The following COL14A1 variants were observed in gnomAD, a reference collection of about 807,000 sequenced individuals.
COL14A1 encodes the protein collagen type XIV alpha 1 chain.
COL14A1 carries 136 observed loss-of-function variants against 230.3 expected under a neutral mutation model. That is an observed-to-expected ratio of 0.59 (90% CI 0.51 to 0.68). The LOEUF (loss-of-function observed/expected upper bound fraction) is 0.68. COL14A1 is among the 30% of genes least tolerant of loss of function. The pLI, the probability that COL14A1 is intolerant of heterozygous loss-of-function variation, is 0.00. For synonymous variants in COL14A1, 792 were observed against 784.1 expected, an observed-to-expected ratio of 1.01 and a Z score of -0.17; for missense variants, 1,976 against 2,215.8, an observed-to-expected ratio of 0.89 and a Z score of 2.17.
intron 45 of COL14A1, among the ~76,000 whole-genome samples, chr8:120,350,610 T>G (rs1822714890): frequency 6.6e-6 from 1 of 150,532 alleles, no homozygotes; most frequent in African/African-American, 2.5e-5. Context: ...AAACAGACTT[T>G]AAACCATCAA....
intron 34 of COL14A1, among the ~76,000 whole-genome samples, chr8:120,293,250 A>G (rs1467077158): frequency 1.3e-5 from 2 of 151,988 alleles, no homozygotes; most frequent in South Asian, 2.1e-4. Flanking sequence ...GAGTTATGCT[A>G]TGGAGTTGCC....
chr8:120,226,883 A>G (rs1259741262), intron 16 of COL14A1, 117 bp downstream of exon 16: 1 of 942,760 alleles, frequency 1.1e-6, no homozygotes, highest in African/African-American at 1.6e-5. Context: ...TTAGTATTTT[A>G]CATGGCTTGG....
At chr8:120,266,738 C>G (rs1819510640) in intron 24 of COL14A1, 89 bp from the exon 25 acceptor site, 2 of 1,038,348 alleles carry the variant, frequency 1.9e-6, no homozygotes, top group Non-Finnish European at 2.9e-6. Context: ...AAATCATTGA[C>G]TACCCTGAAT....
Position 120,216,360 on chromosome 8 carries a change from G to A in COL14A1, c.1607G>A (p.Ser536Asn). 1 of 1,609,244 alleles carries A rather than the reference G, an allele frequency of 6.2e-7. No individual in the cohort carries two copies. The highest frequency in any genetic ancestry group is 1.3e-5 in the African/African-American group (1 of 74,498). ...VTGQETTLAL[S>N]PPRNLRISNV... ...TCCATTTACTGCCAAGTGGCTTTAA[G>A]TCCACCAAGAAACCTGAGAATCTCC... is the stretch of plus-strand genomic sequence containing the variant. Residue 536 changes from serine (S) to asparagine (N), a missense_variant, in exon 14 of 48, where the codon AGT becomes AAT. By Grantham distance (46) the Ser-to-Asn change is conservative (BLOSUM62 1). Transcript: ENST00000297848.
chr8:120,219,752 C>G (rs975837547), intron 14 of COL14A1, among the ~76,000 whole-genome samples: 2 of 152,092 alleles, frequency 1.3e-5, no homozygotes, highest in African/African-American at 4.8e-5. Context: ...AAGAATAGCC[C>G]CAGACTAACA....
chr8:120,302,829 G>A (rs1820756848), intron 36 of COL14A1, among the ~76,000 whole-genome samples: 1 of 152,160 alleles, frequency 6.6e-6, no homozygotes, highest in African/African-American at 2.4e-5. Context: ...ATTGCTTTGG[G>A]GAGGATGGCC....
chr8:120,278,815 A>G (rs900162026), intron 28 of COL14A1, among the ~76,000 whole-genome samples: 6 of 152,062 alleles, frequency 3.9e-5, no homozygotes, highest in Non-Finnish European at 8.8e-5. Flanking sequence ...TGCCCTTTAT[A>G]TGGAACTCTA....
At chr8:120,171,453 T>G (rs928505725) in intron 5 of COL14A1, among the ~76,000 whole-genome samples, 3 of 152,218 alleles carry the variant, frequency 2.0e-5, no homozygotes, top group African/African-American at 7.2e-5. Context: ...TCTTTATTCA[T>G]GCAAAAATAT....
At chr8:120,278,075 CAT>C (rs1443307241) in intron 26 of COL14A1, 34 bp from the exon 27 acceptor site, 1 of 1,571,970 alleles carries the variant, frequency 6.4e-7, no homozygotes, top group Non-Finnish European at 8.6e-7. Flanking sequence ...TGGAAGTCTA[CAT>C]ATGTGTGAAA....
intron 12 of COL14A1, 60 bp downstream of exon 12, chr8:120,209,961 T>A: frequency 8.0e-7 from 1 of 1,248,012 alleles, no homozygotes; most frequent in South Asian, 3.0e-5. Context: ...TAAAATAAAA[T>A]TTTTATTGTA....
chr8:120,250,001 A>G (rs535505995), intron 21 of COL14A1, among the ~76,000 whole-genome samples: 25 of 152,362 alleles, frequency 1.6e-4, no homozygotes, highest in South Asian at 4.1e-4. Context: ...TATAGGCTTT[A>G]GCAATGAATG....
Position 120,288,640 on chromosome 8 carries a change from T to G in COL14A1, c.4078-968T>G, listed in dbSNP as rs147127378. ...TTTGTAACTTCTTTTGGCTTTTACT[T>G]AGGGCAAAACCGTTATTTGCCTATT... is the stretch of plus-strand genomic sequence containing the variant. On this transcript the variant is annotated intron_variant, in intron 33 of 47. Coordinates refer to ENST00000297848, the MANE Select transcript of COL14A1 (RefSeq NM_021110.4). Among the ~76,000 whole-genome samples the G allele has an allele frequency of 3.4e-3, 511 of 152,276 alleles. 3 individuals carry two copies. Among genetic ancestry groups the G allele is most frequent in the African/African-American group, 0.012 (482 of 41,566 alleles).
intron 26 of COL14A1, among the ~76,000 whole-genome samples, chr8:120,274,939 A>G (rs750012710): frequency 6.6e-6 from 1 of 151,892 alleles, no homozygotes; most frequent in Non-Finnish European, 1.5e-5. Flanking sequence ...TACAGATTCA[A>G]TGCAATTCCT....
In COL14A1 at chr8:120,281,231, C is replaced by T. The variant is rs796915377; in HGVS notation, c.3824+172C>T. 2.0e-4 allele frequency among the ~76,000 whole-genome samples: 31 copies of T among 151,764 alleles called. 1 individual carries two copies. The highest frequency in any genetic ancestry group is 7.5e-4 in the African/African-American group (31 of 41,470). On this transcript the variant is annotated intron_variant, in intron 31 of 47. Coordinates refer to ENST00000297848, the MANE Select transcript of COL14A1 (RefSeq NM_021110.4). ...AAAAACACCAGACTCACACATAATG[C>T]GGGTTGAACTTTAACATCTGCTGAT...
chr8:120,332,958 A>C (rs1046092337), intron 42 of COL14A1, among the ~76,000 whole-genome samples: 5 of 152,240 alleles, frequency 3.3e-5, no homozygotes, highest in African/African-American at 1.2e-4. Flanking sequence ...ATAATCTGTC[A>C]TGCTTTTGCT....
chr8:120,371,065 T>A, intron 47 of COL14A1, 87 bp from the exon 48 acceptor site: 1 of 1,199,576 alleles, frequency 8.3e-7, no homozygotes, highest in Non-Finnish European at 1.2e-6. Context: ...AGGATATCTC[T>A]GTGTCTCTAA....
intron 1 of COL14A1, among the ~76,000 whole-genome samples, chr8:120,135,528 G>T (rs974749099): frequency 3.3e-5 from 5 of 152,174 alleles, no homozygotes; most frequent in Admixed American, 6.5e-5. Context: ...GCCTCCCAAA[G>T]TGCTGGATTA....
At chr8:120,213,440 A>T (rs1379024783) in intron 13 of COL14A1, among the ~76,000 whole-genome samples, 7 of 152,304 alleles carry the variant, frequency 4.6e-5, no homozygotes. Flanking sequence ...GGGAAAACAA[A>T]ATAGAAGTTT....
At chr8:120,189,878 C>T (rs1816762675) in intron 5 of COL14A1, among the ~76,000 whole-genome samples, 1 of 151,960 alleles carries the variant, frequency 6.6e-6, no homozygotes, top group African/African-American at 2.4e-5. Flanking sequence ...TTAATCCAGT[C>T]TATCATTGTT....
Sources: allele counts gnomAD v4.1 joint callset (sites outside exome capture counted in the v4.1 genomes callset), GRCh38; gene constraint gnomAD v4.1.1; transcripts MANE v1.5; gene names NCBI Gene and HGNC (gene_info 2026-07-23, HGNC 2026-07-21).